Variants in SLC5A10 observed in about 807,000 individuals in gnomAD.
The protein encoded by SLC5A10 is solute carrier family 5 member 10, also known as sodium/mannose cotransporter SLC5A10.
A neutral mutation model predicts 68.9 loss-of-function variants in SLC5A10; 55 were observed. The ratio of observed to expected loss-of-function variants is 0.80; its 90% CI spans 0.64 to 1.00. SLC5A10 has a LOEUF of 1.00. Ranked by LOEUF, SLC5A10 falls within the 50% of genes least tolerant of loss-of-function variation. The pLI, the probability that SLC5A10 is intolerant of heterozygous loss-of-function variation, is 0.00. For missense variants in SLC5A10, 732 were observed against 819.3 expected (o/e 0.89, Z 1.30); for synonymous variants, 344 against 344.8 (o/e 1.00, Z 0.02).
intron 9 of SLC5A10, among the ~76,000 whole-genome samples, chr17:18,992,040 C>G (rs940162423): frequency 6.6e-6 from 1 of 152,182 alleles, no homozygotes; most frequent in African/African-American, 2.4e-5. Context: ...AGTGAGCCAA[C>G]AGCGAGCCTG....
At chr17:18,978,673 C>G (rs1206277746) in intron 9 of SLC5A10, 3 of 1,612,962 alleles carry the variant, frequency 1.9e-6, no homozygotes, top group Non-Finnish European at 2.5e-6. Context: ...CCAGGGGGAC[C>G]ACAGAGGGCA....
Position 19,022,189 on chromosome 17 carries a change from G to A in SLC5A10, c.*1758G>A. 2 of 1,143,220 alleles carry A rather than the reference G, an allele frequency of 1.7e-6. No homozygotes were observed. The highest frequency in any genetic ancestry group is 3.6e-5 in the South Asian group (2 of 54,970). The allele number at this position is 1,143,220 out of a possible 1,614,324, so 70.8% of individuals were successfully genotyped here. A position where few individuals can be genotyped will look rare whatever the true frequency, so the allele number is the denominator to read the frequency against. On this transcript the variant is annotated 3_prime_UTR_variant, in exon 15 of 15. Coordinates refer to ENST00000395645, the MANE Select transcript of SLC5A10 (RefSeq NM_001042450.4). ...TTAGTAGGGTGCCTTCAGAAGCCCT[G>A]CAACCCACCCTCCCTCAGAGGCACC...
chr17:19,016,810 C>T (rs1294110179), intron 11 of SLC5A10, among the ~76,000 whole-genome samples: 1 of 152,174 alleles, frequency 6.6e-6, no homozygotes, highest in Non-Finnish European at 1.5e-5. Flanking sequence ...GAAGACCCTG[C>T]CCCTCTCTGA....
intron 9 of SLC5A10, chr17:18,979,090 C>A (rs2043063155): frequency 1.7e-6 from 1 of 581,646 alleles, no homozygotes; most frequent in Non-Finnish European, 3.1e-6. Flanking sequence ...TCCTCTCAGG[C>A]TGGTACAGGA....
At chr17:18,956,298 G>A (rs11653983) in intron 1 of SLC5A10, among the ~76,000 whole-genome samples, 52,475 of 151,520 alleles carry the variant, frequency 0.35, 9,600 homozygotes, top group Non-Finnish European at 0.4. Context: ...ATCATCCTGA[G>A]TATAGGGCAG....
rs115811363 is a variant in SLC5A10 at position 19,022,302 on chromosome 17, C to A, written c.*1871C>A. The A allele has an allele frequency of 4.0e-3, 1,944 of 483,558 alleles. 30 individuals are homozygous for A. Among genetic ancestry groups the A allele is most frequent in the African/African-American group, 0.035 (1,751 of 49,520 alleles). 30.0% of individuals were successfully genotyped at this position (483,558 alleles called of 1,614,324 possible). A position where few individuals can be genotyped will look rare whatever the true frequency, so the allele number is the denominator to read the frequency against. On this transcript the variant is annotated 3_prime_UTR_variant, in exon 15 of 15. Coordinates refer to ENST00000395645, the MANE Select transcript of SLC5A10 (RefSeq NM_001042450.4). ...GTCCAGATCAATGGTAGTGCCACCA[C>A]TGGGCCTCCTGCTGCCCACACCCCT...
rs1268193832 is a variant in SLC5A10 at position 18,959,543 on chromosome 17, GTC to G, written c.289-57_289-56del. On this transcript the variant is annotated intron_variant, in intron 3 of 14. Coordinates refer to ENST00000395645, the MANE Select transcript of SLC5A10 (RefSeq NM_001042450.4). ...GGCTCATCCCAGCCATGTCTGCTTT[GTC>G]TCTGGAGCAGAGCTGTGGGAGCTGC... 3.2e-6 allele frequency: 5 copies of G among 1,564,434 alleles called. No individual in the cohort carries two copies. The African/African-American group carries it at 6.8e-5, about 21-fold the overall frequency.
rs917319562 is a variant in SLC5A10, at chr17:19,000,724, C to G, written c.983-12686C>G. Among the ~76,000 whole-genome samples the G allele has an allele frequency of 1.3e-5, 2 of 152,078 alleles. No individual in the cohort carries two copies. Among genetic ancestry groups the G allele is most frequent in the Non-Finnish European group, 2.9e-5 (2 of 67,990 alleles). ...CAGGCAGAGGGATCCCCATCCTAGGCAGGGGGCAGGCAGAGTTCTCCCTAC... is the reference window on the plus strand; with the variant it reads ...CAGGCAGAGGGATCCCCATCCTAGGGAGGGGGCAGGCAGAGTTCTCCCTAC... On this transcript the variant is annotated intron_variant, in intron 9 of 14. Transcript: ENST00000395645. This position sits in a 1 kb window ranked among gnomAD's most constrained non-coding sequence, Gnocchi z 5.2.
chr17:18,988,560 C>T, intron 9 of SLC5A10: 2 of 1,376,472 alleles, frequency 1.5e-6, no homozygotes, highest in Non-Finnish European at 1.9e-6. Flanking sequence ...GGCCCGGGAC[C>T]AGGAAGTGAG....
chr17:19,010,128 G>A lies in SLC5A10; in HGVS notation c.983-3282G>A, dbSNP rs1427589497. Among the ~76,000 whole-genome samples, 6 of 152,280 alleles carry A rather than the reference G, an allele frequency of 3.9e-5. No individual in the cohort carries two copies. The East Asian group carries it at 7.7e-4, about 20-fold the overall frequency. On this transcript the variant is annotated intron_variant, in intron 9 of 14. Coordinates refer to ENST00000395645, the MANE Select transcript of SLC5A10 (RefSeq NM_001042450.4). ...GGCAGCGGCTGGAGAGGCACGGAGC[G>A]GGTTTGAGCAGGGAAGAGCGTGGGC...
At chr17:18,959,322 G>T (rs1156335170) in intron 3 of SLC5A10, 83 bp downstream of exon 3, 74 of 1,426,408 alleles carry the variant, frequency 5.2e-5, no homozygotes, top group Non-Finnish European at 7.0e-5. Context: ...AGCTCCCAGT[G>T]GCTGGTGTCA....
intron 5 of SLC5A10, among the ~76,000 whole-genome samples, chr17:18,966,911 G>A (rs2042722191): frequency 6.6e-6 from 1 of 152,156 alleles, no homozygotes; most frequent in Non-Finnish European, 1.5e-5. Flanking sequence ...GGGCTGGGTG[G>A]CTGGCTTTGT....
chr17:18,966,623 A>G (rs1418554536), intron 5 of SLC5A10, among the ~76,000 whole-genome samples: 1 of 151,868 alleles, frequency 6.6e-6, no homozygotes, highest in African/African-American at 2.4e-5. Context: ...GATGGCACAC[A>G]CCTGTAATCC....
chr17:18,969,614 G>A (rs2042788786), intron 7 of SLC5A10, 192 bp downstream of exon 7: 1 of 548,702 alleles, frequency 1.8e-6, no homozygotes, highest in Non-Finnish European at 3.2e-6. Flanking sequence ...TGCCCTGGCT[G>A]GTAGAGGCTA....
intron 11 of SLC5A10, among the ~76,000 whole-genome samples, chr17:19,016,091 G>C: frequency 6.6e-6 from 1 of 151,536 alleles, no homozygotes; most frequent in Non-Finnish European, 1.5e-5. Flanking sequence ...TGTCACCCAG[G>C]CTGGAGTGCA....
rs114358409 is a variant in SLC5A10 at position 19,003,456 on chromosome 17, C to T, written c.983-9954C>T. ...CTCCCGTTTTGGGCTCTGAGTGAGC[C>T]TGTATTGAGAGGGGTCCGGTGGCTG... On this transcript the variant is annotated intron_variant, in intron 9 of 14. Coordinates refer to ENST00000395645, the MANE Select transcript of SLC5A10 (RefSeq NM_001042450.4). This position sits in a 1 kb window ranked among gnomAD's most constrained non-coding sequence, Gnocchi z 4.5. The T allele has an allele frequency of 8.8e-4, 1,302 of 1,479,830 alleles. 12 individuals carry two copies. The African/African-American group carries it at 0.017, about 19-fold the overall frequency. 91.7% of individuals were successfully genotyped at this position (1,479,830 alleles called of 1,614,324 possible).
chr17:18,991,919 GT>G (rs1382067436), intron 9 of SLC5A10, among the ~76,000 whole-genome samples: 1 of 152,170 alleles, frequency 6.6e-6, no homozygotes, highest in East Asian at 1.9e-4. Flanking sequence ...CTGCCAGGGT[GT>G]GGGAGGATGG....
At chr17:18,966,699 G>A (rs556779433) in intron 5 of SLC5A10, among the ~76,000 whole-genome samples, 17 of 146,764 alleles carry the variant, frequency 1.2e-4, no homozygotes, top group African/African-American at 3.3e-4. Context: ...GCAGTGAGCC[G>A]AGATCGCACC....
At chr17:18,957,347 C>T (rs1243762214) in intron 1 of SLC5A10, among the ~76,000 whole-genome samples, 6 of 152,188 alleles carry the variant, frequency 3.9e-5, no homozygotes, top group East Asian at 1.9e-4. Context: ...CTATACTCCC[C>T]GTAAACCAAA....
Sources: gnomAD v4.1 joint callset for allele counts (sites outside exome capture counted in the v4.1 genomes callset) on GRCh38, gnomAD v4.1.1 for gene constraint, Gnocchi (gnomAD v3.1) non-coding constraint, MANE v1.5 for transcripts, NCBI Gene and HGNC (gene_info 2026-07-23, HGNC 2026-07-21) for gene names.